Variants in PARP6 observed in about 807,000 individuals in gnomAD.
PARP6 encodes the protein protein mono-ADP-ribosyltransferase PARP6.
Under a neutral mutation model 92.0 loss-of-function variants are expected in PARP6, and 27 were observed. The ratio of observed to expected loss-of-function variants is 0.29; its 90% CI spans 0.22 to 0.40. The LOEUF (loss-of-function observed/expected upper bound fraction) is 0.40, where lower values mean the gene tolerates loss of function less well. PARP6 is among the 10% of genes least tolerant of loss of function. PARP6 has a pLI of 1.00. For missense variants in PARP6, 501 were observed against 784.5 expected, an observed-to-expected ratio of 0.64 and a Z score of 4.32; for synonymous variants, 272 against 281.2, an observed-to-expected ratio of 0.97 and a Z score of 0.33.
intron 15 of PARP6, 140 bp from the exon 16 acceptor site, chr15:72,253,644 C>T (rs1444731802): frequency 1.4e-6 from 1 of 718,364 alleles, no homozygotes; most frequent in East Asian, 2.7e-5. Context: ...ATAGGGTTCC[C>T]ACCCTCAAGG....
At chr15:72,262,108 AG>A (rs1431583084) in intron 8 of PARP6, among the ~76,000 whole-genome samples, 2 of 152,206 alleles carry the variant, frequency 1.3e-5, no homozygotes, top group Admixed American at 6.5e-5. Context: ...TAGGGACATA[AG>A]GGGTACTGAC....
Position 72,267,549 on chromosome 15 carries a change from G to A in PARP6, c.-72C>T, listed in dbSNP as rs1157644130. On this transcript the variant is annotated 5_prime_UTR_variant, in exon 3 of 24. Coordinates refer to ENST00000569795, the MANE Select transcript of PARP6 (RefSeq NM_001323532.2). ...CCCTCCATACCACTAGCCGAACCAAGGCCAACGAGATGGGCATTTAGGAGA... is the reference window on the plus strand; with the variant it reads ...CCCTCCATACCACTAGCCGAACCAAAGCCAACGAGATGGGCATTTAGGAGA... 57 of 1,562,096 alleles carry A rather than the reference G, an allele frequency of 3.6e-5. No individual in the cohort carries two copies. The highest frequency in any genetic ancestry group is 4.7e-5 in the Non-Finnish European group (53 of 1,133,174).
At chr15:72,263,611 A>G (rs563588035) in intron 8 of PARP6, among the ~76,000 whole-genome samples, 2 of 152,290 alleles carry the variant, frequency 1.3e-5, no homozygotes, top group Non-Finnish European at 2.9e-5. Context: ...TTTTACCAGC[A>G]ATATTTAACT....
intron 20 of PARP6, among the ~76,000 whole-genome samples, chr15:72,248,821 A>G (rs1249010894): frequency 1.3e-5 from 2 of 152,214 alleles, no homozygotes; most frequent in African/African-American, 2.4e-5. Context: ...AAGATGGTTG[A>G]GAGAGAGAAC....
chr15:72,260,169 A>G (rs1259845329), intron 10 of PARP6, among the ~76,000 whole-genome samples: 6 of 152,198 alleles, frequency 3.9e-5, no homozygotes, highest in Non-Finnish European at 5.9e-5. Flanking sequence ...AAAAATATGA[A>G]AAATTAGCCA....
intron 19 of PARP6, among the ~76,000 whole-genome samples, 193 bp from the exon 20 acceptor site, chr15:72,249,507 T>C (rs1342282766): frequency 6.6e-6 from 1 of 152,258 alleles, no homozygotes; most frequent in African/African-American, 2.4e-5. Flanking sequence ...TATGAAGTGC[T>C]ACATACTGAC....
At chr15:72,259,732 C>T in intron 10 of PARP6, 71 bp from the exon 11 acceptor site, 2 of 1,319,996 alleles carry the variant, frequency 1.5e-6, no homozygotes, top group South Asian at 2.4e-5. Context: ...CTGACTCTTG[C>T]CTATCACCTA....
chr15:72,271,491 T>G (rs1464223728), intron 1 of PARP6, among the ~76,000 whole-genome samples: 2 of 152,164 alleles, frequency 1.3e-5, no homozygotes. Flanking sequence ...GGTTATGGAA[T>G]TCACAGGATC....
chr15:72,257,452 T>A lies in PARP6; in HGVS notation c.907-12A>T, dbSNP rs1371356420. The A allele has an allele frequency of 6.2e-7, 1 of 1,606,892 alleles. No homozygotes were observed. Among genetic ancestry groups the A allele is most frequent in the East Asian group, 2.2e-5 (1 of 44,830 alleles). ...GTACAGACAGCTGGCTGAAAGGATA[T>A]ATTAAACAGATGGTGGTGGGATGGG... is the stretch of plus-strand genomic sequence containing the variant. On this transcript the variant is annotated splice_polypyrimidine_tract_variant and intron_variant, in intron 12 of 23. Transcript: ENST00000569795.
At chr15:72,250,192 GA>G (rs2084165223) in intron 18 of PARP6, 100 bp from the exon 19 acceptor site, 2 of 762,064 alleles carry the variant, frequency 2.6e-6, no homozygotes, top group Non-Finnish European at 4.8e-6. Flanking sequence ...CACAGGACAT[GA>G]AGATGGACAG....
intron 15 of PARP6, chr15:72,254,161 T>C: frequency 2.1e-6 from 1 of 471,210 alleles, no homozygotes; most frequent in East Asian, 4.7e-5. Context: ...GCAGAGGTCT[T>C]TCCTTCACTT....
intron 8 of PARP6, among the ~76,000 whole-genome samples, chr15:72,263,066 A>G (rs774484148): frequency 2.0e-5 from 3 of 152,218 alleles, no homozygotes; most frequent in Non-Finnish European, 4.4e-5. Context: ...CTCTACCTGC[A>G]TATCTGAAAG....
intron 8 of PARP6, among the ~76,000 whole-genome samples, chr15:72,262,858 A>G (rs73438446): frequency 0.037 from 5,694 of 152,154 alleles, 187 homozygotes; most frequent in African/African-American, 0.089. Flanking sequence ...TTGGGATTTC[A>G]TCTGAGTGTT....
chr15:72,260,962 T>C (rs2085798082), intron 9 of PARP6, among the ~76,000 whole-genome samples: 3 of 152,066 alleles, frequency 2.0e-5, no homozygotes, highest in Non-Finnish European at 4.4e-5. Flanking sequence ...CTAAGCCAAG[T>C]ATGGAATAAT....
intron 11 of PARP6, among the ~76,000 whole-genome samples, chr15:72,259,145 G>A (rs1224924414): frequency 2.0e-5 from 3 of 152,210 alleles, no homozygotes; most frequent in Non-Finnish European, 4.4e-5. Flanking sequence ...TTGATAGCAA[G>A]AGGAAGATAG....
At chr15:72,248,428 G>A (rs1203643313) in intron 20 of PARP6, among the ~76,000 whole-genome samples, 1 of 151,540 alleles carries the variant, frequency 6.6e-6, no homozygotes, top group African/African-American at 2.4e-5. Context: ...TGCAACCTCC[G>A]CCTCCCGGGT....
intron 14 of PARP6, among the ~76,000 whole-genome samples, chr15:72,256,098 ACTTCTC>A (rs2085087757): frequency 6.6e-6 from 1 of 152,130 alleles, no homozygotes; most frequent in Non-Finnish European, 1.5e-5. Context: ...CGCCCAGCCT[ACTTCTC>A]ATTTGTATAA....
At chr15:72,251,412 C>T (rs1397047982) in intron 16 of PARP6, 157 bp from the exon 17 acceptor site, 1 of 544,540 alleles carries the variant, frequency 1.8e-6, no homozygotes, top group Non-Finnish European at 3.3e-6. Context: ...TCTGGATATT[C>T]CTGTGGGTGA....
Position 72,242,086 on chromosome 15 carries a change from T to C in PARP6, c.1705+71A>G. ...CACTTCAACATCACTCTTGGCCAGA[T>C]CATGTGCCAAAATTACATCAGAAAC... is the stretch of plus-strand genomic sequence containing the variant. On this transcript the variant is annotated intron_variant, in intron 22 of 23. Coordinates refer to ENST00000569795, the MANE Select transcript of PARP6 (RefSeq NM_001323532.2). This position sits in a 1 kb window ranked among gnomAD's most constrained non-coding sequence, Gnocchi z 4.3. The C allele has an allele frequency of 6.6e-7, 1 of 1,505,256 alleles. No individual in the cohort carries two copies. The highest frequency in any genetic ancestry group is 9.2e-7 in the Non-Finnish European group (1 of 1,081,102). 93.2% of individuals were successfully genotyped at this position (1,505,256 alleles called of 1,614,324 possible).
Sources: gnomAD v4.1 joint callset for allele counts (sites outside exome capture counted in the v4.1 genomes callset) on GRCh38, gnomAD v4.1.1 for gene constraint, Gnocchi (gnomAD v3.1) non-coding constraint, MANE v1.5 for transcripts, NCBI Gene and HGNC (gene_info 2026-07-23, HGNC 2026-07-21) for gene names.